Variants in CDKL1 observed in about 807,000 individuals in gnomAD.
The protein encoded by CDKL1 is cyclin-dependent kinase-like 1.
In CDKL1, 41 loss-of-function variants were observed where a neutral mutation model predicts 42.0. The ratio of observed to expected loss-of-function variants is 0.98; its 90% confidence interval spans 0.76 to 1.27. CDKL1 has a LOEUF of 1.27. Among genes scored for constraint, CDKL1 ranks in the 50% most tolerant of loss-of-function variants. The pLI, the probability that CDKL1 is intolerant of heterozygous loss-of-function variation, is 0.00. For missense variants in CDKL1, 394 were observed against 428.4 expected (o/e 0.92, Z 0.71); for synonymous variants, 153 against 158.6 (o/e 0.96, Z 0.26).
chr14:50,343,274 G>C (rs1280944014), intron 4 of CDKL1, among the ~76,000 whole-genome samples: 1 of 150,008 alleles, frequency 6.7e-6, no homozygotes, highest in Non-Finnish European at 1.5e-5. Flanking sequence ...CAACCTGAGA[G>C]ACCCTCTTTG....
At chr14:50,393,385 G>A (rs2035313953) in intron 2 of CDKL1, among the ~76,000 whole-genome samples, 1 of 152,112 alleles carries the variant, frequency 6.6e-6, no homozygotes, top group African/African-American at 2.4e-5. Flanking sequence ...GCACAACTGG[G>A]GCTCTATGAG....
At chr14:50,361,716 G>T (rs1004953809) in intron 2 of CDKL1, among the ~76,000 whole-genome samples, 1 of 152,242 alleles carries the variant, frequency 6.6e-6, no homozygotes, top group Admixed American at 6.5e-5. Context: ...GTTTCAACAT[G>T]AATTTTGGAG....
At chr14:50,391,422 G>A (rs558749842) in intron 2 of CDKL1, among the ~76,000 whole-genome samples, 12 of 152,086 alleles carry the variant, frequency 7.9e-5, no homozygotes, top group Non-Finnish European at 1.5e-4. Context: ...TTGCTCTGTC[G>A]CCCAGGCTGG....
At chr14:50,357,884 T>G in intron 3 of CDKL1, 1 of 411,462 alleles carries the variant, frequency 2.4e-6, no homozygotes, top group Non-Finnish European at 4.6e-6. Flanking sequence ...ATCCACCATA[T>G]AAGGGAAGCT....
At chr14:50,345,601 A>G (rs941307435) in intron 3 of CDKL1, among the ~76,000 whole-genome samples, 2 of 152,194 alleles carry the variant, frequency 1.3e-5, no homozygotes, top group African/African-American at 4.8e-5. Context: ...AGAGCTTTAC[A>G]TTGCAAACCA....
intron 2 of CDKL1, among the ~76,000 whole-genome samples, chr14:50,364,557 T>G (rs558491590): frequency 4.6e-5 from 7 of 152,334 alleles, no homozygotes; most frequent in African/African-American, 1.7e-4. Flanking sequence ...AACATGTAGG[T>G]TCTTTCCAAT....
At chr14:50,342,673 G>A (rs907260510) in intron 4 of CDKL1, 5 of 264,178 alleles carry the variant, frequency 1.9e-5, no homozygotes, top group South Asian at 5.2e-5. Context: ...TGAAAGGTCC[G>A]GGTGAGGCTG....
chr14:50,334,446 C>G, intron 8 of CDKL1, 119 bp downstream of exon 8: 3 of 723,584 alleles, frequency 4.1e-6, no homozygotes, highest in South Asian at 3.3e-5. Context: ...ACTGCCCAGC[C>G]AGGAGAAGAA....
At chr14:50,392,395 G>T (rs927193340) in intron 2 of CDKL1, among the ~76,000 whole-genome samples, 1 of 151,642 alleles carries the variant, frequency 6.6e-6, no homozygotes, top group Non-Finnish European at 1.5e-5. Context: ...GCAGTGAGCT[G>T]AGATTGTGCC....
chr14:50,330,165 TG>T lies in CDKL1; in HGVS notation c.982del (p.Gln328SerfsTer2). The T allele has an allele frequency of 6.2e-7, 1 of 1,606,454 alleles. No individual in the cohort carries two copies. The highest frequency in any genetic ancestry group is 2.2e-5 in the East Asian group (1 of 44,796). On this transcript the variant is annotated frameshift_variant, in exon 10 of 10. Transcript: ENST00000395834. LOFTEE classifies it high-confidence loss of function. ...TGGAAGGATGCTGCTGCCAGTTAGCTGGGGTAGGTACTGCAACTAAAAATGC... is the reference window on the plus strand; with the variant it reads ...TGGAAGGATGCTGCTGCCAGTTAGCTGGGTAGGTACTGCAACTAAAAATGC... ...TETSKLQYLP[Q>X]LTGSSILPAL...
intron 2 of CDKL1, among the ~76,000 whole-genome samples, chr14:50,376,846 A>C (rs778938638): frequency 8.5e-5 from 13 of 152,174 alleles, no homozygotes; most frequent in Non-Finnish European, 1.6e-4. Context: ...TCAAGCACCC[A>C]GATGTTGATA....
In CDKL1 at chr14:50,334,548, G is replaced by T; in HGVS notation, c.795+17C>A. 6.7e-7 allele frequency: 1 copy of T among 1,500,626 alleles called. No homozygotes were observed. Among genetic ancestry groups the T allele is most frequent in the Non-Finnish European group, 9.3e-7 (1 of 1,077,188 alleles). The allele number at this position is 1,500,626 out of a possible 1,614,324, so 93.0% of individuals were successfully genotyped here. Reference sequence around the variant, plus strand: ...CTGCTGTGTGCTTCCTGGTCTGTTGGAAGCCATGATTTTTACCTTTAGGAG... The same window carrying T: ...CTGCTGTGTGCTTCCTGGTCTGTTGTAAGCCATGATTTTTACCTTTAGGAG... On this transcript the variant is annotated intron_variant, in intron 8 of 9. Coordinates refer to ENST00000395834, the MANE Select transcript of CDKL1 (RefSeq NM_004196.7).
chr14:50,332,017 T>C (rs775803635), intron 9 of CDKL1: 6 of 1,536,026 alleles, frequency 3.9e-6, no homozygotes, highest in Non-Finnish European at 4.4e-6. Flanking sequence ...CCTGTGCTCA[T>C]GCAGGCTGGA....
chr14:50,369,500 A>T (rs999985462), intron 2 of CDKL1, among the ~76,000 whole-genome samples: 4 of 151,082 alleles, frequency 2.6e-5, no homozygotes, highest in African/African-American at 9.7e-5. Context: ...GGTATATTTA[A>T]TTTTTTGTTG....
chr14:50,357,587 T>A (rs1313031422), intron 3 of CDKL1, among the ~76,000 whole-genome samples: 1 of 152,116 alleles, frequency 6.6e-6, no homozygotes, highest in East Asian at 1.9e-4. Context: ...CCCTTTCAAC[T>A]CCAAGGCCAC....
chr14:50,386,112 GAA>G (rs1211735253), intron 2 of CDKL1, among the ~76,000 whole-genome samples: 2 of 151,916 alleles, frequency 1.3e-5, no homozygotes, highest in African/African-American at 2.4e-5. Flanking sequence ...GAGGGGGAAA[GAA>G]AGAGAGAGAG....
chr14:50,336,025 C>G, intron 7 of CDKL1: 10 of 1,366,476 alleles, frequency 7.3e-6, no homozygotes, highest in Non-Finnish European at 9.8e-6. Context: ...TTCTCTTGTT[C>G]TTTCTGTCGG....
At chr14:50,385,573 A>G (rs998579540) in intron 2 of CDKL1, among the ~76,000 whole-genome samples, 1 of 152,198 alleles carries the variant, frequency 6.6e-6, no homozygotes, top group Non-Finnish European at 1.5e-5. Flanking sequence ...TGGGAGGCCA[A>G]GGCGGGTGGA....
chr14:50,389,718 G>A (rs1035573534), intron 2 of CDKL1, among the ~76,000 whole-genome samples: 2 of 152,104 alleles, frequency 1.3e-5, no homozygotes, highest in Admixed American at 6.5e-5. Context: ...TGGAAAGAAC[G>A]GCTGTTCAGC....
Sources: allele counts gnomAD v4.1 joint callset (sites outside exome capture counted in the v4.1 genomes callset), GRCh38; gene constraint gnomAD v4.1.1; transcripts MANE v1.5; gene names NCBI Gene and HGNC (gene_info 2026-07-23, HGNC 2026-07-21).